Variants in EPB41 observed in about 807,000 individuals in gnomAD.
EPB41 encodes the protein erythrocyte membrane protein band 4.1.
In EPB41, 65 loss-of-function variants were observed where a neutral mutation model predicts 108.0. The observed-to-expected ratio is 0.60, with a 90% CI of 0.49 to 0.74. The LOEUF (loss-of-function observed/expected upper bound fraction) is 0.74, where lower values mean the gene tolerates loss of function less well. Among genes scored for constraint, EPB41 ranks in the 30% least tolerant of loss-of-function variants. The pLI, the probability that EPB41 is intolerant of heterozygous loss-of-function variation, is 0.00. For synonymous variants in EPB41, 336 were observed against 358.9 expected (o/e 0.94, Z 0.72); for missense variants, 875 against 1,037.0 (o/e 0.84, Z 2.15).
intron 16 of EPB41, chr1:29,071,740 A>C (rs1265797358): frequency 6.6e-6 from 1 of 152,034 alleles, no homozygotes; most frequent in Non-Finnish European, 1.5e-5. Context: ...GTTATTTTTT[A>C]CCTCAATATT....
intron 1 of EPB41, among the ~76,000 whole-genome samples, chr1:28,984,382 C>T (rs1318398883): frequency 6.6e-6 from 1 of 152,256 alleles, no homozygotes; most frequent in East Asian, 1.9e-4. Flanking sequence ...TGGTTTTAAA[C>T]AAAATTTATT....
At chr1:28,982,407 G>C in intron 1 of EPB41, 1 of 743,376 alleles carries the variant, frequency 1.3e-6, no homozygotes, top group African/African-American at 1.7e-5. Flanking sequence ...CAAAAGACTT[G>C]ATCTTTGACC....
At chr1:28,892,447 C>T (rs148172747) in intron 1 of EPB41, among the ~76,000 whole-genome samples, 3 of 152,078 alleles carry the variant, frequency 2.0e-5, no homozygotes, top group Non-Finnish European at 4.4e-5. Context: ...CGAGGCCAGG[C>T]GTGGTGGCTC....
intron 17 of EPB41, among the ~76,000 whole-genome samples, chr1:29,105,813 A>G (rs1003124848): frequency 7.6e-6 from 1 of 131,442 alleles, no homozygotes; most frequent in Non-Finnish European, 1.5e-5. Context: ...CAGTGGCATG[A>G]TCTCAGCCCA....
At chr1:29,089,347 A>G (rs952151447) in intron 16 of EPB41, among the ~76,000 whole-genome samples, 3 of 152,214 alleles carry the variant, frequency 2.0e-5, no homozygotes, top group African/African-American at 7.2e-5. Context: ...AGAAGTTCTC[A>G]AGTGACCTGG....
chr1:28,917,832 T>TG (rs2092796904), intron 1 of EPB41, among the ~76,000 whole-genome samples: 1 of 151,838 alleles, frequency 6.6e-6, no homozygotes, highest in African/African-American at 2.4e-5. Context: ...TGAGCTCAAA[T>TG]GATCGTCTCA....
intron 4 of EPB41, among the ~76,000 whole-genome samples, chr1:29,006,689 A>C (rs1405931401): frequency 6.6e-6 from 1 of 151,936 alleles, no homozygotes. Context: ...CCCCATCAAA[A>C]GTAACTTCTT....
intron 1 of EPB41, among the ~76,000 whole-genome samples, chr1:28,907,654 A>G (rs993392444): frequency 1.3e-5 from 2 of 151,552 alleles, no homozygotes; most frequent in Admixed American, 1.3e-4. Flanking sequence ...CTCTGTCACA[A>G]AGTGATGAAG....
rs115054184 is a variant in EPB41, at chr1:29,000,399, C to T, written c.786+3080C>T. ...ACAGGCGTGAGTCACTGCACCCAAC[C>T]GTAATTAGTTTTTAATGAGCAAATG... On this transcript the variant is annotated intron_variant, in intron 4 of 20. Coordinates refer to ENST00000343067, the MANE Select transcript of EPB41 (RefSeq NM_001376013.1). Among the ~76,000 whole-genome samples, 1,298 of 152,314 alleles carry T rather than the reference C, an allele frequency of 8.5e-3. 11 individuals carry two copies. Among genetic ancestry groups the T allele is most frequent in the Middle Eastern group, 0.078 (23 of 294 alleles).
chr1:29,029,537 G>A (rs2096762613), intron 7 of EPB41, among the ~76,000 whole-genome samples: 1 of 152,116 alleles, frequency 6.6e-6, no homozygotes, highest in Non-Finnish European at 1.5e-5. Flanking sequence ...TTGGGGATGT[G>A]CCTGCATTAT....
chr1:29,035,192 T>C (rs949543153), intron 9 of EPB41, among the ~76,000 whole-genome samples: 1 of 151,432 alleles, frequency 6.6e-6, no homozygotes, highest in African/African-American at 2.4e-5. Flanking sequence ...ACCATGTTGG[T>C]CAGGCTGGTC....
chr1:29,078,794 G>A (rs114431639), intron 16 of EPB41, among the ~76,000 whole-genome samples: 265 of 152,088 alleles, frequency 1.7e-3, no homozygotes, highest in African/African-American at 6.2e-3. Context: ...ACAGCACCCC[G>A]TTTCTGCCAG....
intron 16 of EPB41, among the ~76,000 whole-genome samples, chr1:29,074,992 A>G (rs1478203439): frequency 6.6e-6 from 1 of 151,956 alleles, no homozygotes; most frequent in African/African-American, 2.4e-5. Context: ...CTCCGTCTCT[A>G]CTAAAAATAC....
intron 1 of EPB41, among the ~76,000 whole-genome samples, chr1:28,938,719 G>A (rs911921664): frequency 4.6e-5 from 7 of 151,908 alleles, no homozygotes; most frequent in African/African-American, 1.5e-4. Context: ...TTTTCTGAGA[G>A]ACTAGGTTTC....
upstream of EPB41, among the ~76,000 whole-genome samples, chr1:28,913,525 T>G (rs1244496894): frequency 6.6e-6 from 1 of 152,214 alleles, no homozygotes; most frequent in Non-Finnish European, 1.5e-5. Flanking sequence ...GCAATCTGTT[T>G]CCAGAGGCTG....
Position 29,097,865 on chromosome 1 carries a change from G to C in EPB41, c.2243G>C (p.Ser748Thr), listed in dbSNP as rs1663762469. ...TCAGATAATGCCAATGCTGTGAAAA[G>C]TGAAATCCCAACCAAAGACGTCCCT... ...TISDNANAVKSEIPTKDVPIV... is the reference protein window; with the variant it reads ...TISDNANAVKTEIPTKDVPIV... The change falls in exon 17 of 21, where the codon AGT becomes ACT. Residue 748 changes from serine (S) to threonine (T), a missense_variant. Ser to Thr is a moderately conservative substitution (Grantham distance 58). This residue lies in a region of EPB41 where 519 missense variants were observed against 627.3 expected (regional missense o/e 0.83). Transcript: ENST00000343067. 1 of 1,614,042 alleles carries C rather than the reference G, an allele frequency of 6.2e-7. No individual in the cohort carries two copies. The highest frequency in any genetic ancestry group is 2.2e-5 in the East Asian group (1 of 44,884).
intron 16 of EPB41, chr1:29,070,368 A>G: frequency 8.1e-7 from 1 of 1,232,102 alleles, no homozygotes. Flanking sequence ...AAGCAGACAC[A>G]GGAACGTGCT....
At chr1:28,930,747 A>G (rs2093700398) in intron 1 of EPB41, among the ~76,000 whole-genome samples, 2 of 152,154 alleles carry the variant, frequency 1.3e-5, no homozygotes, top group Admixed American at 1.3e-4. Flanking sequence ...AGCCTCCCAA[A>G]GTGCTGAGAT....
chr1:28,888,537 T>C (rs949574172), intron 1 of EPB41, among the ~76,000 whole-genome samples: 6 of 152,258 alleles, frequency 3.9e-5, no homozygotes, highest in African/African-American at 1.4e-4. Flanking sequence ...GAACACTCCC[T>C]GCCTTGAAGG....
Sources: gnomAD v4.1 joint callset for allele counts (sites outside exome capture counted in the v4.1 genomes callset) on GRCh38, gnomAD v4.1.1 for gene constraint, gnomAD v4.1.1 regional missense constraint, MANE v1.5 for transcripts, NCBI Gene and HGNC (gene_info 2026-07-23, HGNC 2026-07-21) for gene names.